The following PCDHA9 variants were observed in gnomAD, a reference collection of about 807,000 sequenced individuals.
PCDHA9 encodes the protein protocadherin alpha-9.
PCDHA9 carries 62 observed loss-of-function variants against 62.0 expected under a neutral mutation model. The ratio of observed to expected loss-of-function variants is 1.00; its 90% CI spans 0.81 to 1.23. The LOEUF is 1.23. PCDHA9 is among the 50% of genes most tolerant of loss of function. The pLI is 0.00. For synonymous variants in PCDHA9, 557 were observed against 567.6 expected (o/e 0.98, Z 0.27); for missense variants, 1,205 against 1,249.8 (o/e 0.96, Z 0.54).
chr5:140,851,858 A>T, intron 1 of PCDHA9: 3 of 973,970 alleles, frequency 3.1e-6, no homozygotes, highest in Non-Finnish European at 3.7e-6. Flanking sequence ...CTCTCAGCTC[A>T]TACATAACAC....
intron 1 of PCDHA9, among the ~76,000 whole-genome samples, chr5:140,958,824 A>T (rs1008923744): frequency 8.5e-5 from 13 of 152,158 alleles, no homozygotes; most frequent in African/African-American, 3.1e-4. Context: ...TAATTTTTAT[A>T]TCTTAAAGTT....
chr5:140,990,649 T>C (rs1465284882), intron 3 of PCDHA9, among the ~76,000 whole-genome samples: 1 of 152,212 alleles, frequency 6.6e-6, no homozygotes, highest in African/African-American at 2.4e-5. Context: ...TCAGCCAGTA[T>C]GAATGATTTA....
chr5:140,895,124 T>A (rs2064859568), intron 1 of PCDHA9, among the ~76,000 whole-genome samples: 1 of 152,196 alleles, frequency 6.6e-6, no homozygotes, highest in Non-Finnish European at 1.5e-5. Flanking sequence ...ATTTGTTAGT[T>A]GACAAGTTCA....
At chr5:141,009,120 T>C (rs1383940737) in intron 3 of PCDHA9, among the ~76,000 whole-genome samples, 1 of 152,236 alleles carries the variant, frequency 6.6e-6, no homozygotes, top group African/African-American at 2.4e-5. Flanking sequence ...ACTAGATTCT[T>C]GGTATCCTGG....
chr5:140,901,148 CA>C (rs1244292469), intron 1 of PCDHA9, among the ~76,000 whole-genome samples: 17 of 152,076 alleles, frequency 1.1e-4, no homozygotes, highest in Non-Finnish European at 2.4e-4. Context: ...TATTTTCTCT[CA>C]ATCTGTGGGT....
At chr5:140,887,538 A>AC (rs1554183096) in intron 1 of PCDHA9, among the ~76,000 whole-genome samples, 1 of 151,216 alleles carries the variant, frequency 6.6e-6, no homozygotes, top group Admixed American at 6.6e-5. Flanking sequence ...TCCTCTCCCC[A>AC]CCCCTCATGG....
At chr5:141,005,311 A>C (rs2098206135) in intron 3 of PCDHA9, among the ~76,000 whole-genome samples, 6 of 152,310 alleles carry the variant, frequency 3.9e-5, no homozygotes, top group Middle Eastern at 6.8e-3. Flanking sequence ...TGAATCTTAC[A>C]GTGGTAGAGA....
intron 3 of PCDHA9, among the ~76,000 whole-genome samples, chr5:140,995,811 G>A (rs949931541): frequency 6.6e-6 from 1 of 152,240 alleles, no homozygotes; most frequent in South Asian, 2.1e-4. Context: ...GTTTCTGAAG[G>A]GAGATAGCCT....
rs782766953 is a variant in PCDHA9 at position 140,875,544 on chromosome 5, G to C, written c.2394+24655G>C. On this transcript the variant is annotated intron_variant, in intron 1 of 3. Coordinates refer to ENST00000532602, the MANE Select transcript of PCDHA9 (RefSeq NM_031857.2). ...TCTCGCTTCTGCTCCTTGCAGCCTG[G>C]GAGGTGGGGAGCGGCCAGCTCCACT... 9.0e-5 allele frequency: 146 copies of C among 1,614,052 alleles called. No homozygotes were observed. The East Asian group carries it at 3.2e-3, about 36-fold the overall frequency.
intron 1 of PCDHA9, among the ~76,000 whole-genome samples, chr5:140,946,700 G>T (rs2094011625): frequency 6.7e-6 from 1 of 148,322 alleles, no homozygotes; most frequent in African/African-American, 2.5e-5. Flanking sequence ...GGATGAATCT[G>T]GAGGTCATTA....
Position 140,848,697 on chromosome 5 carries a change from T to C in PCDHA9, c.202T>C (p.Ser68Pro). Reference protein sequence around the residue: ...ELVPRLFQLDSKGRGDLLEVN... With the variant: ...ELVPRLFQLDPKGRGDLLEVN... ...GGTGCCGCGCCTGTTCCAGTTGGAT[T>C]CCAAAGGCCGCGGGGACCTTCTGGA... Residue 68 changes from serine (S) to proline (P), a missense_variant, in exon 1 of 4, where the codon TCC becomes CCC. Coordinates refer to ENST00000532602, the MANE Select transcript of PCDHA9 (RefSeq NM_031857.2). 11 of 1,592,356 alleles carry C rather than the reference T, an allele frequency of 6.9e-6. 1 individual carries two copies. The highest frequency in any genetic ancestry group is 9.5e-6 in the Non-Finnish European group (11 of 1,163,328).
intron 1 of PCDHA9, among the ~76,000 whole-genome samples, chr5:140,925,941 GAGA>G (rs1554203013): frequency 7.2e-6 from 1 of 138,610 alleles, no homozygotes; most frequent in East Asian, 1.9e-4. Flanking sequence ...GAGCCTCTTG[GAGA>G]AGGAGAAACT....
chr5:140,902,185 T>TTCTC (rs370111655), intron 1 of PCDHA9, among the ~76,000 whole-genome samples: 1 of 150,794 alleles, frequency 6.6e-6, no homozygotes, highest in African/African-American at 2.4e-5. Context: ...CCTTTATGTC[T>TTCTC]TCTCTCTCTC....
chr5:140,864,617 T>C (rs545757656), intron 1 of PCDHA9: 10 of 152,312 alleles, frequency 6.6e-5, no homozygotes, highest in African/African-American at 2.4e-4. Context: ...TTTGTTCTTT[T>C]TTAAAAAGAA....
At position 140,978,992 on chromosome 5, in the gene PCDHA9, G is replaced by T. The variant is rs1363421000; in HGVS notation, c.2438G>T (p.Arg813Ile). The change falls in exon 2 of 4, where the codon AGA (arginine) becomes ATA (isoleucine). Residue 813 changes from arginine to isoleucine, a missense_variant. Arg to Ile is a moderately conservative substitution (Grantham distance 97). Transcript: ENST00000532602. ...NPDWRYSASL[R>I]AGMHSSVHLE... Reference sequence around the variant, plus strand: ...GACTGGCGTTACTCTGCCTCCCTGAGAGCAGGCATGCACAGGTATGTATTT... The same window carrying T: ...GACTGGCGTTACTCTGCCTCCCTGATAGCAGGCATGCACAGGTATGTATTT... The T allele has an allele frequency of 8.1e-6, 13 of 1,614,060 alleles. No homozygotes were observed. Among genetic ancestry groups the T allele is most frequent in the Non-Finnish European group, 1.1e-5 (13 of 1,180,034 alleles).
intron 1 of PCDHA9, among the ~76,000 whole-genome samples, chr5:140,931,054 G>A (rs2087273007): frequency 6.6e-6 from 1 of 152,180 alleles, no homozygotes; most frequent in Admixed American, 6.5e-5. Context: ...CTTCAATGCT[G>A]TGTCTGGGAC....
intron 1 of PCDHA9, chr5:140,968,033 G>A (rs1554230222): frequency 6.2e-7 from 1 of 1,614,074 alleles, no homozygotes; most frequent in African/African-American, 1.3e-5. Context: ...TACACTGGTG[G>A]TGAGCGGCCC....
intron 1 of PCDHA9, chr5:140,884,351 G>A: frequency 6.2e-7 from 1 of 1,613,946 alleles, no homozygotes; most frequent in Non-Finnish European, 8.5e-7. Context: ...GGCGCTGGTG[G>A]ATGTCAATGT....
At chr5:141,007,395 C>CAAAA (rs35800918) in intron 3 of PCDHA9, among the ~76,000 whole-genome samples, 7 of 94,852 alleles carry the variant, frequency 7.4e-5, no homozygotes, top group East Asian at 2.9e-4. Context: ...TACTAAAATA[C>CAAAA]AAAAAAAAAA....
Sources: allele counts gnomAD v4.1 joint callset (sites outside exome capture counted in the v4.1 genomes callset), GRCh38; gene constraint gnomAD v4.1.1; transcripts MANE v1.5; gene names NCBI Gene and HGNC (gene_info 2026-07-23, HGNC 2026-07-21).